The following SLC14A2 variants were observed in gnomAD, a reference collection of about 807,000 sequenced individuals.
SLC14A2 encodes the protein solute carrier family 14 member 2.
Under a neutral mutation model 104.6 loss-of-function variants are expected in SLC14A2, and 91 were observed. The observed-to-expected ratio is 0.87, with a 90% CI of 0.73 to 1.04. SLC14A2 has a LOEUF of 1.04. Among genes scored for constraint, SLC14A2 ranks in the 50% least tolerant of loss-of-function variants. The pLI is 0.00. For synonymous variants in SLC14A2, 476 were observed against 466.4 expected (o/e 1.02, Z -0.27); for missense variants, 1,189 against 1,156.0 (o/e 1.03, Z -0.41).
chr18:45,632,227 CT>C (rs1280963676), intron 4 of SLC14A2, 122 bp from the exon 5 acceptor site: 1 of 1,321,450 alleles, frequency 7.6e-7, no homozygotes, highest in Admixed American at 2.5e-5. Context: ...AGCGAACTGA[CT>C]TTTTTCTAAG....
chr18:45,458,762 C>T (rs1021604503), intron 1 of SLC14A2, among the ~76,000 whole-genome samples: 13 of 152,114 alleles, frequency 8.5e-5, no homozygotes, highest in Non-Finnish European at 1.9e-4. Context: ...GCCTCTGAGT[C>T]CCAGTGTCCT....
intron 4 of SLC14A2, among the ~76,000 whole-genome samples, chr18:45,629,193 C>T (rs750117045): frequency 5.9e-5 from 9 of 152,206 alleles, no homozygotes; most frequent in Non-Finnish European, 1.0e-4. Flanking sequence ...CTCATTCCAC[C>T]GAGGGAAATG....
intron 4 of SLC14A2, among the ~76,000 whole-genome samples, chr18:45,631,871 G>A (rs562021182): frequency 6.6e-6 from 1 of 152,230 alleles, no homozygotes; most frequent in African/African-American, 2.4e-5. Flanking sequence ...TTCCCACCTT[G>A]GACTCCCAAA....
intron 2 of SLC14A2, chr18:45,529,054 C>G (rs2043641024): frequency 6.6e-6 from 1 of 152,244 alleles, no homozygotes; most frequent in African/African-American, 2.4e-5. Flanking sequence ...CACCTTCCAG[C>G]CCTACCATCA....
At chr18:45,201,537 G>A in the SLC14A2 span, among the ~76,000 whole-genome samples, 1 of 137,194 alleles carries the variant, frequency 7.3e-6, no homozygotes, top group Non-Finnish European at 1.6e-5. Flanking sequence ...ACACCTCCAT[G>A]TATGTATGTG....
chr18:45,489,188 T>C (rs113949647), intron 2 of SLC14A2, among the ~76,000 whole-genome samples: 4 of 152,326 alleles, frequency 2.6e-5, no homozygotes, highest in South Asian at 2.1e-4. Context: ...ATGATTCTTA[T>C]AGGGCTTCAC....
rs555243478 is a variant in SLC14A2 at position 45,446,775 on chromosome 18, G to T, written c.-124-36458G>T. Among the ~76,000 whole-genome samples the T allele has an allele frequency of 6.6e-5, 10 of 152,278 alleles. 1 individual carries two copies. The South Asian group carries it at 2.1e-3, about 32-fold the overall frequency. On this transcript the variant is annotated intron_variant, in intron 1 of 20. Transcript: ENST00000586448. Reference sequence around the variant, plus strand: ...AGGTGACTACTGAAATGAATAGGGGGTTAGGGAAGACCACTGGAAAGAAGT... The same window carrying T: ...AGGTGACTACTGAAATGAATAGGGGTTTAGGGAAGACCACTGGAAAGAAGT...
At chr18:45,480,431 C>T (rs1219641971) in intron 1 of SLC14A2, among the ~76,000 whole-genome samples, 2 of 152,148 alleles carry the variant, frequency 1.3e-5, no homozygotes, top group African/African-American at 4.8e-5. Flanking sequence ...TGCCTGTCTC[C>T]ACAGAGTGTT....
intron 1 of SLC14A2, among the ~76,000 whole-genome samples, chr18:45,324,888 A>G (rs955512080): frequency 6.6e-6 from 1 of 152,084 alleles, no homozygotes; most frequent in African/African-American, 2.4e-5. Context: ...AGATCTATTT[A>G]CTAAACTGTT....
intron 2 of SLC14A2, among the ~76,000 whole-genome samples, chr18:45,544,953 C>T (rs1214210862): frequency 2.0e-5 from 3 of 151,754 alleles, no homozygotes; most frequent in East Asian, 1.9e-4. Flanking sequence ...ACACCATGCC[C>T]GGCTAATTTT....
At chr18:45,526,169 C>T (rs2043592066) in intron 2 of SLC14A2, among the ~76,000 whole-genome samples, 1 of 152,162 alleles carries the variant, frequency 6.6e-6, no homozygotes. Flanking sequence ...TTTAGTGCAG[C>T]GTATCTTAGC....
At chr18:45,425,807 C>T (rs553104611) in intron 1 of SLC14A2, among the ~76,000 whole-genome samples, 2 of 152,172 alleles carry the variant, frequency 1.3e-5, no homozygotes, top group African/African-American at 4.8e-5. Flanking sequence ...CAAAGCAATT[C>T]CCATTTCTAC....
chr18:45,314,042 C>T (rs1456857633), intron 1 of SLC14A2, among the ~76,000 whole-genome samples: 1 of 152,202 alleles, frequency 6.6e-6, no homozygotes, highest in Non-Finnish European at 1.5e-5. Context: ...TCTGTCTTTC[C>T]AGTGACAAGC....
chr18:45,548,860 C>A (rs2044012230), intron 2 of SLC14A2, among the ~76,000 whole-genome samples: 2 of 152,160 alleles, frequency 1.3e-5, no homozygotes. Context: ...GATCTTTTGA[C>A]CCCTTGATGG....
intron 2 of SLC14A2, among the ~76,000 whole-genome samples, chr18:45,571,769 G>C (rs1330499796): frequency 1.3e-5 from 2 of 152,172 alleles, no homozygotes; most frequent in Non-Finnish European, 2.9e-5. Context: ...ACGGCAGTCT[G>C]ATCCATTACT....
chr18:45,392,057 G>A (rs1425966238), intron 1 of SLC14A2, among the ~76,000 whole-genome samples: 5 of 152,252 alleles, frequency 3.3e-5, no homozygotes, highest in African/African-American at 9.6e-5. Flanking sequence ...GATGAGGTAA[G>A]CAATGTCTAG....
At chr18:45,559,064 C>T (rs2044170496) in intron 2 of SLC14A2, among the ~76,000 whole-genome samples, 3 of 152,168 alleles carry the variant, frequency 2.0e-5, no homozygotes, top group Admixed American at 6.5e-5. Context: ...GCTGTGATTA[C>T]AAGCATGAGC....
In SLC14A2 at chr18:45,399,758, T is replaced by C. The variant is rs541827463; in HGVS notation, c.-124-83475T>C. 3.9e-5 allele frequency among the ~76,000 whole-genome samples: 6 copies of C among 152,280 alleles called. No individual in the cohort carries two copies. In the East Asian group the frequency reaches 1.2e-3, roughly 29 times the overall value. On this transcript the variant is annotated intron_variant, in intron 1 of 20. Coordinates refer to the SLC14A2 transcript ENST00000586448. ...ACTGCCAACCACACAGGAAGACAAC[T>C]GGTGAGATTACATTTGGAGTTAAAA...
At position 45,311,480 on chromosome 18, in the gene SLC14A2, C is replaced by T. The variant is rs146053931; in HGVS notation, c.-125+98289C>T. On this transcript the variant is annotated intron_variant, in intron 1 of 20. Coordinates refer to the SLC14A2 transcript ENST00000586448. ...GGCAGAGCCAATCTTTGGACCAAGG[C>T]AGGGTAACTATATGATCTGGGCTCC... Among the ~76,000 whole-genome samples, 6 of 152,278 alleles carry T rather than the reference C, an allele frequency of 3.9e-5. No homozygotes were observed. The East Asian group carries it at 9.6e-4, about 24-fold the overall frequency.
Sources: allele counts gnomAD v4.1 joint callset (sites outside exome capture counted in the v4.1 genomes callset), GRCh38; gene constraint gnomAD v4.1.1; transcripts MANE v1.5; gene names NCBI Gene and HGNC (gene_info 2026-07-23, HGNC 2026-07-21).